The following CATSPERE variants were observed in gnomAD, a reference collection of about 807,000 sequenced individuals.
CATSPERE encodes the protein catsper channel auxiliary subunit epsilon.
Under a neutral mutation model 114.1 loss-of-function variants are expected in CATSPERE, and 93 were observed. The observed-to-expected ratio is 0.81, with a 90% CI of 0.69 to 0.97. The LOEUF is 0.97. CATSPERE is among the 50% of genes least tolerant of loss of function. The pLI, the probability that CATSPERE is intolerant of heterozygous loss-of-function variation, is 0.00. For missense variants in CATSPERE, 1,058 were observed against 1,131.6 expected, an observed-to-expected ratio of 0.93 and a Z score of 0.93; for synonymous variants, 341 against 384.1, an observed-to-expected ratio of 0.89 and a Z score of 1.31.
chr1:244,592,069 C>T (rs923842301), intron 15 of CATSPERE, among the ~76,000 whole-genome samples: 2 of 152,114 alleles, frequency 1.3e-5, no homozygotes, highest in African/African-American at 4.8e-5. Flanking sequence ...ATGACTGAAG[C>T]CGGGTACAGT....
intron 8 of CATSPERE, among the ~76,000 whole-genome samples, chr1:244,528,870 G>A (rs369721255): frequency 1.4e-5 from 2 of 147,506 alleles, no homozygotes; most frequent in African/African-American, 5.1e-5. Flanking sequence ...TACTCTCTAT[G>A]TCCAAGAGTT....
At chr1:244,474,822 C>T (rs1274744212) in intron 2 of CATSPERE, among the ~76,000 whole-genome samples, 2 of 149,182 alleles carry the variant, frequency 1.3e-5, no homozygotes, top group Non-Finnish European at 3.0e-5. Context: ...CAGTTCACTG[C>T]AGCCTTTAAC....
At chr1:244,630,193 T>G (rs1673748092) in intron 20 of CATSPERE, among the ~76,000 whole-genome samples, 1 of 152,186 alleles carries the variant, frequency 6.6e-6, no homozygotes, top group African/African-American at 2.4e-5. Context: ...CCACAGAGAA[T>G]GTAGTGAAAC....
rs1477332698 is a variant in CATSPERE at position 244,491,321 on chromosome 1, G to A, written c.351+850G>A. Among the ~76,000 whole-genome samples the A allele has an allele frequency of 2.0e-5, 3 of 152,146 alleles. No individual in the cohort carries two copies. The East Asian group carries it at 5.8e-4, about 29-fold the overall frequency. ...CAAAACCGCTAACTACATGGAAACTGAACAACCTGCTCCTGAATGACTACT... is the reference window on the plus strand; with the variant it reads ...CAAAACCGCTAACTACATGGAAACTAAACAACCTGCTCCTGAATGACTACT... On this transcript the variant is annotated intron_variant, in intron 6 of 21. Transcript: ENST00000366534.
At chr1:244,621,332 A>G (rs7519128) in intron 20 of CATSPERE, among the ~76,000 whole-genome samples, 2 of 128,848 alleles carry the variant, frequency 1.6e-5, no homozygotes, top group African/African-American at 6.0e-5. Flanking sequence ...ATATATATAT[A>G]TATATATATA....
At chr1:244,454,264 C>G (rs74151395), upstream of CATSPERE, 9,274 of 152,252 alleles carry the variant, frequency 0.061, 427 homozygotes, top group African/African-American at 0.12. Flanking sequence ...GAGGTCATCC[C>G]TCCCCACCTG....
intron 8 of CATSPERE, among the ~76,000 whole-genome samples, chr1:244,528,238 A>G (rs971651293): frequency 3.9e-5 from 6 of 152,204 alleles, no homozygotes; most frequent in African/African-American, 1.4e-4. Context: ...CTGTTCCTGC[A>G]TTAGTTTGCT....
intron 9 of CATSPERE, among the ~76,000 whole-genome samples, chr1:244,553,855 A>G (rs1010424057): frequency 2.7e-4 from 41 of 152,002 alleles, no homozygotes; most frequent in African/African-American, 9.9e-4. Flanking sequence ...AGACTCTAAT[A>G]TCTATCATTC....
rs564952895 is a variant in CATSPERE, at chr1:244,600,508, C to A, written c.2304-5187C>A. Among the ~76,000 whole-genome samples the A allele has an allele frequency of 2.6e-5, 4 of 152,284 alleles. No homozygotes were observed. The East Asian group carries it at 7.7e-4, about 29-fold the overall frequency. ...GTCCACCAAAATGTTCACCTCAGGC[C>A]TCCTATGGATCTGAACTTATACCTA... On this transcript the variant is annotated intron_variant, in intron 17 of 21. Transcript: ENST00000366534.
rs1666731155 is a variant in CATSPERE, at chr1:244,461,364, C to G, written c.-66C>G. On this transcript the variant is annotated 5_prime_UTR_variant, in exon 1 of 22. Transcript: ENST00000366534. ...TGCAGCCGCCCGCCGGGCCGACGTC[C>G]CACGGGAATGCGCGAGGCCTGGACG... is the stretch of plus-strand genomic sequence containing the variant. 1 of 1,277,684 alleles carries G rather than the reference C, an allele frequency of 7.8e-7. No individual in the cohort carries two copies. Among genetic ancestry groups the G allele is most frequent in the East Asian group, 3.1e-5 (1 of 31,990 alleles). 79.1% of individuals were successfully genotyped at this position (1,277,684 alleles called of 1,614,324 possible).
At chr1:244,475,369 G>A (rs1669151317) in intron 2 of CATSPERE, among the ~76,000 whole-genome samples, 1 of 151,600 alleles carries the variant, frequency 6.6e-6, no homozygotes, top group African/African-American at 2.4e-5. Flanking sequence ...GAGTAGCTGA[G>A]ATTACAGGTA....
At chr1:244,469,354 C>A (rs1279800691) in intron 2 of CATSPERE, among the ~76,000 whole-genome samples, 1 of 152,054 alleles carries the variant, frequency 6.6e-6, no homozygotes, top group African/African-American at 2.4e-5. Context: ...CCTTATATAT[C>A]CATTACTCAG....
At chr1:244,566,282 G>C (rs911927918) in intron 10 of CATSPERE, among the ~76,000 whole-genome samples, 8 of 152,156 alleles carry the variant, frequency 5.3e-5, no homozygotes, top group Admixed American at 3.3e-4. Flanking sequence ...ATGTGGTGCT[G>C]AGAAGAACGT....
intron 8 of CATSPERE, among the ~76,000 whole-genome samples, chr1:244,543,819 CTTATA>C (rs1659282167): frequency 6.6e-6 from 1 of 151,688 alleles, no homozygotes; most frequent in South Asian, 2.1e-4. Flanking sequence ...CTTAAAAGAA[CTTATA>C]TTATGAGGTG....
chr1:244,577,925 C>T (rs7515268), intron 11 of CATSPERE, among the ~76,000 whole-genome samples: 2 of 152,016 alleles, frequency 1.3e-5, no homozygotes, highest in Non-Finnish European at 2.9e-5. Flanking sequence ...GATATATGAT[C>T]TATTGCTACC....
chr1:244,453,601 C>T (rs966237271), upstream of CATSPERE, among the ~76,000 whole-genome samples: 3 of 152,196 alleles, frequency 2.0e-5, no homozygotes, highest in Non-Finnish European at 4.4e-5. Context: ...AGCGGCCACC[C>T]AGTTCTCTTG....
intron 19 of CATSPERE, among the ~76,000 whole-genome samples, chr1:244,615,239 CA>C (rs568497256): frequency 0.093 from 6,438 of 69,242 alleles, 324 homozygotes; most frequent in African/African-American, 0.23. Context: ...TTGGGCAGAC[CA>C]AAAAAAAAAA....
At chr1:244,480,425 A>G (rs1404720988) in intron 5 of CATSPERE, among the ~76,000 whole-genome samples, 7 of 152,290 alleles carry the variant, frequency 4.6e-5, no homozygotes, top group Middle Eastern at 3.4e-3. Context: ...AGATGCCTGG[A>G]AAATACTTAT....
intron 8 of CATSPERE, among the ~76,000 whole-genome samples, chr1:244,539,852 A>G (rs2148452251): frequency 6.9e-6 from 1 of 144,132 alleles, no homozygotes; most frequent in Admixed American, 7.0e-5. Flanking sequence ...CGTCTATTTG[A>G]TTCTTCTCTC....
Sources: gnomAD v4.1 joint callset for allele counts (sites outside exome capture counted in the v4.1 genomes callset) on GRCh38, gnomAD v4.1.1 for gene constraint, MANE v1.5 for transcripts, NCBI Gene and HGNC (gene_info 2026-07-23, HGNC 2026-07-21) for gene names.